Variants in SMYD3 observed in about 807,000 individuals in gnomAD.
The protein encoded by SMYD3 is histone-lysine N-methyltransferase SMYD3.
A neutral mutation model predicts 57.7 loss-of-function variants in SMYD3; 36 were observed. The ratio of observed to expected loss-of-function variants is 0.62; its 90% CI spans 0.48 to 0.82. The LOEUF is 0.82. Among genes scored for constraint, SMYD3 ranks in the 40% least tolerant of loss-of-function variants. The pLI, the probability that SMYD3 is intolerant of heterozygous loss-of-function variation, is 0.00. For missense variants in SMYD3, 515 were observed against 538.8 expected (o/e 0.96, Z 0.44); for synonymous variants, 211 against 195.0 (o/e 1.08, Z -0.68).
At chr1:246,284,574 A>G (rs7549633) in intron 5 of SMYD3, among the ~76,000 whole-genome samples, 3,627 of 150,894 alleles carry the variant, frequency 0.024, 154 homozygotes, top group African/African-American at 0.083. Context: ...CCGCCACCAC[A>G]CCCGGCTAAT....
At chr1:245,750,061 CA>C (rs1480285576) in intron 11 of SMYD3, among the ~76,000 whole-genome samples, 6 of 152,138 alleles carry the variant, frequency 3.9e-5, no homozygotes, top group Non-Finnish European at 8.8e-5. Flanking sequence ...CATCTATATG[CA>C]CCAGGATTAT....
chr1:245,928,103 T>A, intron 6 of SMYD3, 70 bp from the exon 7 acceptor site: 1 of 1,256,170 alleles, frequency 8.0e-7, no homozygotes, highest in Non-Finnish European at 1.1e-6. Context: ...ACAAATGCAG[T>A]GGGTAAAATA....
intron 5 of SMYD3, among the ~76,000 whole-genome samples, chr1:246,172,864 CT>C (rs2062366291): frequency 6.7e-6 from 1 of 149,928 alleles, no homozygotes; most frequent in African/African-American, 2.5e-5. Context: ...ACACTACACA[CT>C]TAGGCTACAC....
chr1:246,452,611 A>G lies in SMYD3; in HGVS notation c.164+54443T>C, dbSNP rs374245276. Among the ~76,000 whole-genome samples the G allele has an allele frequency of 4.6e-5, 7 of 152,340 alleles. No homozygotes were observed. In the East Asian group the frequency reaches 1.2e-3, roughly 25 times the overall value. On this transcript the variant is annotated intron_variant, in intron 1 of 11. Transcript: ENST00000490107. The stretch of plus-strand genomic sequence containing the variant: ...AAATGAAGGATAGGCTATAGGCACA[A>G]CTGTTTACTCCAGTGATTCCAGGAG...
At chr1:246,348,447 G>C (rs1426379151) in intron 2 of SMYD3, among the ~76,000 whole-genome samples, 1 of 151,918 alleles carries the variant, frequency 6.6e-6, no homozygotes, top group Admixed American at 6.6e-5. Flanking sequence ...TATGTCTTTT[G>C]CAACAAAATG....
At position 246,305,147 on chromosome 1, in the gene SMYD3, C is replaced by G. The variant is rs190955574; in HGVS notation, c.531+22054G>C. On this transcript the variant is annotated intron_variant, in intron 5 of 11. Transcript: ENST00000490107. Reference sequence around the variant, plus strand: ...TTACATGAGAAGGTGTCCTAAATCTCTCACAGTAATGCTGAATCCGAAAGG... The same window carrying G: ...TTACATGAGAAGGTGTCCTAAATCTGTCACAGTAATGCTGAATCCGAAAGG... Among the ~76,000 whole-genome samples, 272 of 152,328 alleles carry G rather than the reference C, an allele frequency of 1.8e-3. 2 individuals are homozygous for G. The highest frequency in any genetic ancestry group is 6.2e-4 in the Non-Finnish European group (42 of 68,028).
chr1:245,822,464 G>A (rs1304086295), intron 10 of SMYD3, among the ~76,000 whole-genome samples: 2 of 150,610 alleles, frequency 1.3e-5, no homozygotes, highest in Non-Finnish European at 3.0e-5. Context: ...GAGTTAGTGG[G>A]TGCAGCACAC....
chr1:246,193,127 C>T (rs1438494909), intron 5 of SMYD3, among the ~76,000 whole-genome samples: 1 of 152,112 alleles, frequency 6.6e-6, no homozygotes, highest in Non-Finnish European at 1.5e-5. Context: ...TTAGAAGTAT[C>T]CTTAGGTCCC....
At chr1:245,776,357 A>G (rs1382097609) in intron 10 of SMYD3, among the ~76,000 whole-genome samples, 1 of 152,166 alleles carries the variant, frequency 6.6e-6, no homozygotes, top group Admixed American at 6.5e-5. Flanking sequence ...AGAAAGGAGC[A>G]TTGTCGTTAA....
intron 8 of SMYD3, among the ~76,000 whole-genome samples, chr1:245,884,258 T>A (rs543463209): frequency 8.9e-4 from 136 of 152,306 alleles, no homozygotes; most frequent in Non-Finnish European, 1.5e-3. Context: ...AGCATGGTTG[T>A]CTGGGGTAAA....
At chr1:246,249,662 G>C (rs2063770332) in intron 5 of SMYD3, among the ~76,000 whole-genome samples, 1 of 151,934 alleles carries the variant, frequency 6.6e-6, no homozygotes, top group Admixed American at 6.6e-5. Flanking sequence ...TTTACCTAAA[G>C]TAACATGAAA....
chr1:246,028,791 A>G (rs990012892), intron 5 of SMYD3, among the ~76,000 whole-genome samples: 2 of 152,252 alleles, frequency 1.3e-5, no homozygotes, highest in Admixed American at 6.5e-5. Context: ...ATGAGCAAAA[A>G]TAACAAAACA....
At chr1:245,828,098 A>AAAGC (rs1174549052) in intron 10 of SMYD3, among the ~76,000 whole-genome samples, 1 of 152,236 alleles carries the variant, frequency 6.6e-6, no homozygotes, top group Non-Finnish European at 1.5e-5. Context: ...AAAGGAATAA[A>AAAGC]AAGCAATGCA....
intron 5 of SMYD3, among the ~76,000 whole-genome samples, chr1:246,100,403 G>C (rs531464561): frequency 6.6e-6 from 1 of 152,302 alleles, no homozygotes; most frequent in East Asian, 1.9e-4. Context: ...CCACTCAGGA[G>C]TCACTCCAAG....
intron 5 of SMYD3, among the ~76,000 whole-genome samples, chr1:246,134,966 G>A (rs1252891934): frequency 6.6e-6 from 1 of 151,320 alleles, no homozygotes; most frequent in African/African-American, 2.4e-5. Flanking sequence ...CATATATGCT[G>A]AAGAGGCTGC....
chr1:246,434,696 T>C (rs1007868516), intron 1 of SMYD3, among the ~76,000 whole-genome samples: 4 of 152,212 alleles, frequency 2.6e-5, no homozygotes, highest in Admixed American at 6.5e-5. Context: ...CCACTGTTAG[T>C]GGGAATGTAA....
At chr1:246,137,657 C>A (rs1411885313) in intron 5 of SMYD3, among the ~76,000 whole-genome samples, 1 of 152,196 alleles carries the variant, frequency 6.6e-6, no homozygotes, top group Non-Finnish European at 1.5e-5. Flanking sequence ...CAACTAATAA[C>A]CCAATTCAGC....
At chr1:245,918,516 C>G (rs1012762691) in intron 7 of SMYD3, among the ~76,000 whole-genome samples, 8 of 152,198 alleles carry the variant, frequency 5.3e-5, no homozygotes, top group Non-Finnish European at 7.3e-5. Context: ...TTGATTTCCT[C>G]CATGTTTCTC....
At chr1:246,262,690 G>C (rs2064033710) in intron 5 of SMYD3, among the ~76,000 whole-genome samples, 1 of 152,012 alleles carries the variant, frequency 6.6e-6, no homozygotes, top group Admixed American at 6.6e-5. Context: ...ACAGTACCTA[G>C]GTCATATTAG....
Sources: gnomAD v4.1 joint callset for allele counts (sites outside exome capture counted in the v4.1 genomes callset) on GRCh38, gnomAD v4.1.1 for gene constraint, MANE v1.5 for transcripts, NCBI Gene and HGNC (gene_info 2026-07-23, HGNC 2026-07-21) for gene names.